CNTN6: variants seen among roughly 807,000 people sequenced by gnomAD.
The protein encoded by CNTN6 is contactin-6.
CNTN6 carries 137 observed loss-of-function variants against 122.8 expected under a neutral mutation model. That is an observed-to-expected ratio of 1.12 (90% CI 0.97 to 1.29). CNTN6 has a LOEUF of 1.29. CNTN6 is among the 50% of genes most tolerant of loss of function. CNTN6 has a pLI of 0.00. For synonymous variants in CNTN6, 570 were observed against 426.0 expected (o/e 1.34, Z -4.16); for missense variants, 1,634 against 1,223.4 (o/e 1.34, Z -5.01).
At chr3:1,377,690 T>C (rs546839809) in intron 17 of CNTN6, among the ~76,000 whole-genome samples, 1 of 152,286 alleles carries the variant, frequency 6.6e-6, no homozygotes, top group East Asian at 1.9e-4. Context: ...GCCTAAGAAT[T>C]CTATAGCGTG....
At chr3:1,291,756 A>G (rs1440048576) in intron 5 of CNTN6, among the ~76,000 whole-genome samples, 1 of 152,216 alleles carries the variant, frequency 6.6e-6, no homozygotes, top group Non-Finnish European at 1.5e-5. Flanking sequence ...CAACAGGCTT[A>G]GAAGTGAGGC....
At chr3:1,185,937 G>A (rs1261150957) in intron 2 of CNTN6, among the ~76,000 whole-genome samples, 2 of 151,992 alleles carry the variant, frequency 1.3e-5, no homozygotes, top group Non-Finnish European at 1.5e-5. Context: ...TACATTTTAG[G>A]CCTTTGTTAC....
chr3:1,246,806 G>A (rs2094588673), intron 4 of CNTN6, among the ~76,000 whole-genome samples: 1 of 151,882 alleles, frequency 6.6e-6, no homozygotes, highest in African/African-American at 2.4e-5. Flanking sequence ...ATTATTATTG[G>A]CTATTTGGAA....
At chr3:1,388,545 G>T (rs1051460376) in intron 20 of CNTN6, among the ~76,000 whole-genome samples, 46 of 151,044 alleles carry the variant, frequency 3.0e-4, no homozygotes, top group East Asian at 1.9e-4. Flanking sequence ...CACCAGCAAC[G>T]GAACAAAGCT....
At chr3:1,403,176 T>G (rs1695948016) in intron 22 of CNTN6, 142 bp from the exon 23 acceptor site, 1 of 557,696 alleles carries the variant, frequency 1.8e-6, no homozygotes, top group East Asian at 2.9e-5. Flanking sequence ...TTTCTAAAAT[T>G]AAATATAATG....
intron 4 of CNTN6, among the ~76,000 whole-genome samples, chr3:1,245,850 G>T (rs1041329887): frequency 1.3e-5 from 2 of 151,896 alleles, no homozygotes; most frequent in African/African-American, 4.8e-5. Flanking sequence ...GCTTCCCTGG[G>T]CTACAGTGGA....
chr3:1,300,505 AAG>A lies in CNTN6; in HGVS notation c.761+2518_761+2519del, dbSNP rs1170891322. Among the ~76,000 whole-genome samples the A allele has an allele frequency of 1.7e-3, 231 of 138,348 alleles. 2 individuals are homozygous for A. The highest frequency in any genetic ancestry group is 6.6e-3 in the African/African-American group (205 of 31,106). The allele number at this position is 138,348 out of a possible 152,430, so 90.8% of individuals were successfully genotyped here. A position where few individuals can be genotyped will look rare whatever the true frequency, so the allele number is the denominator to read the frequency against. On this transcript the variant is annotated intron_variant, in intron 7 of 22. Transcript: ENST00000446702. The stretch of plus-strand genomic sequence containing the variant: ...GAAGGAAGGAAGGAAAAAGAAAAGA[AAG>A]AGAAAGAAAGAAAGAAAGATAAAGA...
At chr3:1,367,456 C>T (rs1343151976) in intron 12 of CNTN6, among the ~76,000 whole-genome samples, 1 of 151,788 alleles carries the variant, frequency 6.6e-6, no homozygotes, top group Non-Finnish European at 1.5e-5. Context: ...TGAGGAAGTC[C>T]CCATGTTTGA....
At chr3:1,251,453 C>G (rs968589563) in intron 4 of CNTN6, among the ~76,000 whole-genome samples, 1 of 152,038 alleles carries the variant, frequency 6.6e-6, no homozygotes, top group African/African-American at 2.4e-5. Flanking sequence ...GCAAAAAACA[C>G]TTCTTCTCAT....
At chr3:1,208,388 T>C (rs1354592424) in intron 2 of CNTN6, among the ~76,000 whole-genome samples, 2 of 152,128 alleles carry the variant, frequency 1.3e-5, no homozygotes, top group African/African-American at 4.8e-5. Context: ...TTCTTAAAAC[T>C]TCCTTACTGT....
intron 4 of CNTN6, among the ~76,000 whole-genome samples, chr3:1,271,955 C>G (rs776364102): frequency 6.6e-6 from 1 of 152,144 alleles, no homozygotes; most frequent in Non-Finnish European, 1.5e-5. Flanking sequence ...GCCATAATCC[C>G]CACATGTCAT....
At chr3:1,104,080 A>G (rs1391617709) in intron 1 of CNTN6, among the ~76,000 whole-genome samples, 5 of 152,284 alleles carry the variant, frequency 3.3e-5, no homozygotes, top group East Asian at 1.9e-4. Context: ...TGATGCAACT[A>G]TGAACAAGAC....
chr3:1,126,470 T>C (rs2092163473), intron 1 of CNTN6, among the ~76,000 whole-genome samples: 2 of 151,928 alleles, frequency 1.3e-5, no homozygotes, highest in South Asian at 2.1e-4. Flanking sequence ...CCAATCTCAT[T>C]ATACCCCAGG....
chr3:1,305,822 T>G (rs559868002), intron 7 of CNTN6, among the ~76,000 whole-genome samples: 11 of 152,128 alleles, frequency 7.2e-5, no homozygotes, highest in Non-Finnish European at 1.6e-4. Context: ...TTTTTCTAAT[T>G]TATGAAGCTA....
chr3:1,308,148 A>C (rs1559777872), intron 7 of CNTN6, among the ~76,000 whole-genome samples: 1 of 152,100 alleles, frequency 6.6e-6, no homozygotes, highest in East Asian at 1.9e-4. Flanking sequence ...ACTCACATAT[A>C]ATTATTTTAG....
chr3:1,104,457 C>T (rs779564950), intron 1 of CNTN6, among the ~76,000 whole-genome samples: 1 of 152,062 alleles, frequency 6.6e-6, no homozygotes, highest in African/African-American at 2.4e-5. Flanking sequence ...AACTCTTTCC[C>T]TGAAAGGTAT....
At chr3:1,268,318 A>G (rs889848522) in intron 4 of CNTN6, among the ~76,000 whole-genome samples, 2 of 152,186 alleles carry the variant, frequency 1.3e-5, no homozygotes, top group Non-Finnish European at 2.9e-5. Flanking sequence ...GGCATAAAAT[A>G]GAGAGTGGGC....
intron 7 of CNTN6, among the ~76,000 whole-genome samples, chr3:1,314,622 T>C (rs155227): frequency 0.59 from 89,805 of 151,932 alleles, 29,379 homozygotes; most frequent in African/African-American, 0.88. Flanking sequence ...ATGAACTAGG[T>C]CAGATGGTTA....
chr3:1,256,980 T>C (rs1450596464), intron 4 of CNTN6, among the ~76,000 whole-genome samples: 1 of 152,170 alleles, frequency 6.6e-6, no homozygotes, highest in Admixed American at 6.6e-5. Context: ...AAAATGGTTA[T>C]GCCAAATGAT....
Sources: allele counts gnomAD v4.1 joint callset (sites outside exome capture counted in the v4.1 genomes callset), GRCh38; gene constraint gnomAD v4.1.1; transcripts MANE v1.5; gene names NCBI Gene and HGNC (gene_info 2026-07-23, HGNC 2026-07-21).